The following ULK4 variants were observed in gnomAD, a reference collection of about 807,000 sequenced individuals.
ULK4 encodes the protein inactive serine/threonine-protein kinase ULK4.
A neutral mutation model predicts 160.6 loss-of-function variants in ULK4; 133 were observed. That is an observed-to-expected ratio of 0.83 (90% confidence interval 0.72 to 0.96). The LOEUF (loss-of-function observed/expected upper bound fraction) is 0.96, where lower values mean the gene tolerates loss of function less well. ULK4 is among the 40% of genes least tolerant of loss of function. The pLI, the probability that ULK4 is intolerant of heterozygous loss-of-function variation, is 0.00. For missense variants in ULK4, 1,580 were observed against 1,499.5 expected (o/e 1.05, Z -0.89); for synonymous variants, 534 against 539.8 (o/e 0.99, Z 0.15).
At chr3:41,663,113 C>T (rs914688981) in intron 30 of ULK4, among the ~76,000 whole-genome samples, 3 of 151,394 alleles carry the variant, frequency 2.0e-5, no homozygotes, top group Non-Finnish European at 2.9e-5. Context: ...CCCAGCTACT[C>T]GGGAGGCTGA....
chr3:41,848,691 A>G (rs1216008586), intron 17 of ULK4, among the ~76,000 whole-genome samples: 2 of 152,288 alleles, frequency 1.3e-5, no homozygotes, highest in East Asian at 3.9e-4. Flanking sequence ...AGTATCCCCA[A>G]ACAGGACTCC....
intron 25 of ULK4, among the ~76,000 whole-genome samples, chr3:41,713,259 A>C (rs527383858): frequency 1.3e-5 from 2 of 152,344 alleles, no homozygotes; most frequent in Non-Finnish European, 2.9e-5. Context: ...GCAGTAAGGC[A>C]CTGTAACTTG....
At chr3:41,647,852 G>A (rs994779232) in intron 30 of ULK4, among the ~76,000 whole-genome samples, 5 of 152,254 alleles carry the variant, frequency 3.3e-5, no homozygotes, top group Admixed American at 3.3e-4. Flanking sequence ...GCTCCACCCA[G>A]TTTGAGCTTC....
chr3:41,520,969 C>A (rs1167953340), intron 32 of ULK4, among the ~76,000 whole-genome samples: 1 of 152,100 alleles, frequency 6.6e-6, no homozygotes, highest in Non-Finnish European at 1.5e-5. Context: ...AATTCCTTAT[C>A]AGATATGTGA....
intron 22 of ULK4, among the ~76,000 whole-genome samples, chr3:41,721,279 T>TTTTTTTTTTTTTTTTTTTTTGG (rs67078043): frequency 1.0e-5 from 1 of 98,922 alleles, no homozygotes; most frequent in African/African-American, 4.4e-5. Flanking sequence ...TTTTTTTTTT[T>TTTTTTTTTTTTTTTTTTTTTGG]TTTTTGGGTT....
At chr3:41,704,860 A>G (rs1559497044) in intron 27 of ULK4, among the ~76,000 whole-genome samples, 197 bp downstream of exon 27, 1 of 152,290 alleles carries the variant, frequency 6.6e-6, no homozygotes. Context: ...AGGAAAGAGA[A>G]TAATAAAGAA....
intron 35 of ULK4, among the ~76,000 whole-genome samples, chr3:41,318,346 AGGTTT>A (rs1262570328): frequency 1.3e-5 from 2 of 152,158 alleles, no homozygotes; most frequent in Non-Finnish European, 2.9e-5. Context: ...CTGGGTTGTT[AGGTTT>A]GTTTTTAAAA....
At chr3:41,476,316 AAGGT>A (rs1261800589) in intron 32 of ULK4, among the ~76,000 whole-genome samples, 1 of 152,210 alleles carries the variant, frequency 6.6e-6, no homozygotes, top group Admixed American at 6.5e-5. Flanking sequence ...AAAGCAAGTC[AAGGT>A]AGAAACTTTT....
At chr3:41,742,563 C>G (rs543938670) in intron 22 of ULK4, among the ~76,000 whole-genome samples, 2 of 151,862 alleles carry the variant, frequency 1.3e-5, no homozygotes, top group Non-Finnish European at 2.9e-5. Flanking sequence ...ATGTCCAGGA[C>G]GTATTCTAAA....
chr3:41,756,909 A>C (rs2038822848), intron 21 of ULK4, among the ~76,000 whole-genome samples: 1 of 152,230 alleles, frequency 6.6e-6, no homozygotes, highest in Non-Finnish European at 1.5e-5. Context: ...ATACAAACAT[A>C]TATACATACA....
At chr3:41,953,860 C>T (rs1700386191) in intron 2 of ULK4, among the ~76,000 whole-genome samples, 1 of 152,130 alleles carries the variant, frequency 6.6e-6, no homozygotes, top group Non-Finnish European at 1.5e-5. Context: ...CCAGCCTGGG[C>T]AACATAGCCA....
chr3:41,309,095 T>C (rs935022755), intron 35 of ULK4, among the ~76,000 whole-genome samples: 1 of 152,252 alleles, frequency 6.6e-6, no homozygotes, highest in Non-Finnish European at 1.5e-5. Flanking sequence ...AGTTGAAAGC[T>C]TGTAACTGTA....
At chr3:41,255,219 T>C (rs1575357993) in intron 35 of ULK4, among the ~76,000 whole-genome samples, 1 of 151,692 alleles carries the variant, frequency 6.6e-6, no homozygotes, top group Admixed American at 6.6e-5. Flanking sequence ...CGGTGGCTCA[T>C]GCCTGTAATC....
intron 35 of ULK4, among the ~76,000 whole-genome samples, chr3:41,279,097 A>G (rs776125499): frequency 6.6e-6 from 1 of 152,184 alleles, no homozygotes; most frequent in Non-Finnish European, 1.5e-5. Context: ...TGTAGAGAAC[A>G]TAAATGACCT....
intron 2 of ULK4, among the ~76,000 whole-genome samples, chr3:41,951,055 A>G (rs2148841262): frequency 1.3e-5 from 2 of 148,908 alleles, no homozygotes; most frequent in South Asian, 4.4e-4. Flanking sequence ...GAGGCAGGAG[A>G]ATGGCGTGAA....
intron 35 of ULK4, among the ~76,000 whole-genome samples, chr3:41,362,122 G>C (rs749475808): frequency 7.9e-5 from 12 of 152,182 alleles, no homozygotes; most frequent in Non-Finnish European, 1.2e-4. Flanking sequence ...AGACAGCACA[G>C]GGTTAACTAT....
intron 27 of ULK4, among the ~76,000 whole-genome samples, chr3:41,690,536 C>T (rs1037151117): frequency 6.6e-5 from 10 of 151,696 alleles, no homozygotes; most frequent in Non-Finnish European, 1.0e-4. Context: ...ATTCTGCTGC[C>T]TAACTTTTTG....
Position 41,387,495 on chromosome 3 carries a change from G to A in ULK4, c.3678+10584C>T, listed in dbSNP as rs531894292. 1.8e-3 allele frequency among the ~76,000 whole-genome samples: 267 copies of A among 152,104 alleles called. 1 individual carries two copies. Among genetic ancestry groups the A allele is most frequent in the African/African-American group, 6.0e-3 (247 of 41,444 alleles). On this transcript the variant is annotated intron_variant, in intron 35 of 36. Transcript: ENST00000301831. Reference sequence around the variant, plus strand: ...CCATCAACTCATCCTTTAACATTAGGTATATCTCCTAATGCTATCCCTCCC... The same window carrying A: ...CCATCAACTCATCCTTTAACATTAGATATATCTCCTAATGCTATCCCTCCC...
At chr3:41,754,608 G>A (rs2038736623) in intron 21 of ULK4, 120 bp from the exon 22 acceptor site, 18 of 824,858 alleles carry the variant, frequency 2.2e-5, no homozygotes. Context: ...AATAACTACT[G>A]TTTTCGCATT....
Sources: allele counts gnomAD v4.1 joint callset (sites outside exome capture counted in the v4.1 genomes callset), GRCh38; gene constraint gnomAD v4.1.1; transcripts MANE v1.5; gene names NCBI Gene and HGNC (gene_info 2026-07-23, HGNC 2026-07-21).